The following ZNF846 variants were observed in gnomAD, a reference collection of about 807,000 sequenced individuals.
ZNF846 encodes zinc finger protein 846, also known as zinc finger protein 420 pseudogene.
In ZNF846, 15 loss-of-function variants were observed where a neutral mutation model predicts 16.0. The ratio of observed to expected loss-of-function variants is 0.94; its 90% confidence interval spans 0.63 to 1.45. The LOEUF (loss-of-function observed/expected upper bound fraction) is 1.45, where lower values mean the gene tolerates loss of function less well. Ranked by LOEUF, ZNF846 falls within the 40% of genes most tolerant of loss-of-function variation. The pLI, the probability that ZNF846 is intolerant of heterozygous loss-of-function variation, is 0.00. For missense variants in ZNF846, 714 were observed against 622.3 expected (o/e 1.15, Z -1.57); for synonymous variants, 229 against 212.0 (o/e 1.08, Z -0.70).
chr19:9,758,293 C>A (rs759580975), exon 6 of ZNF846: 3 of 1,613,342 alleles, frequency 1.9e-6, no homozygotes, highest in East Asian at 4.5e-5. Context: ...TGAGTGAAAG[C>A]TTTACCACAT....
chr19:9,759,964 A>T, intron 4 of ZNF846, 22 bp from the exon 5 acceptor site: 2 of 1,593,028 alleles, frequency 1.3e-6, no homozygotes, highest in Non-Finnish European at 1.7e-6. Flanking sequence ...TGAAAAATGC[A>T]GCTTGGGAGA....
At chr19:9,755,943 C>G (rs2045129998), downstream of ZNF846, among the ~76,000 whole-genome samples, 1 of 142,324 alleles carries the variant, frequency 7.0e-6, no homozygotes, top group Non-Finnish European at 1.5e-5. Context: ...TGGGTTCACA[C>G]AATTCTCCTG....
upstream of ZNF846, chr19:9,768,868 C>T (rs1443280783): frequency 6.6e-6 from 1 of 152,274 alleles, no homozygotes; most frequent in East Asian, 1.9e-4. Flanking sequence ...CTTCGACACG[C>T]GTACAGAAAA....
upstream of ZNF846, among the ~76,000 whole-genome samples, chr19:9,771,768 C>CTT (rs920913316): frequency 6.9e-6 from 1 of 145,128 alleles, no homozygotes. Flanking sequence ...TGCAAGTGTC[C>CTT]TTTTTTTTTT....
chr19:9,760,156 A>C (rs1360624633), intron 4 of ZNF846, among the ~76,000 whole-genome samples: 2 of 150,570 alleles, frequency 1.3e-5, no homozygotes, highest in Non-Finnish European at 3.0e-5. Context: ...AGCCAGGTGC[A>C]GTGGTGCATG....
At chr19:9,775,164 A>C (rs1416393614) in intron 1 of ZNF846, among the ~76,000 whole-genome samples, 1 of 150,416 alleles carries the variant, frequency 6.6e-6, no homozygotes, top group Non-Finnish European at 1.5e-5. Flanking sequence ...AGATGTTTTA[A>C]ATATATATAC....
rs1270776168 is a variant in ZNF846 at position 9,758,402 on chromosome 19, G to GT, written c.674dup (p.His225GlnfsTer5). ...CTTTCCCACATTCCTTACATACATA[G>GT]TGTTTGTCTCCATTGTGAGATCTTA... On this transcript the variant is annotated frameshift_variant, in exon 6 of 6. Coordinates refer to ENST00000397902, the Ensembl canonical transcript of ZNF846. LOFTEE classifies it low-confidence loss of function (END_TRUNC). 1.2e-6 allele frequency: 2 copies of GT among 1,613,152 alleles called. No individual in the cohort carries two copies. The highest frequency in any genetic ancestry group is 1.7e-6 in the Non-Finnish European group (2 of 1,179,822).
chr19:9,772,170 A>T (rs1473340491), upstream of ZNF846, among the ~76,000 whole-genome samples: 1 of 152,194 alleles, frequency 6.6e-6, no homozygotes, highest in Non-Finnish European at 1.5e-5. Flanking sequence ...TGTAAATGTG[A>T]GCTTAGATGT....
At chr19:9,768,172 T>C (rs2045347101) in intron 1 of ZNF846, 117 bp downstream of exon 1, 1 of 152,136 alleles carries the variant, frequency 6.6e-6, no homozygotes, top group South Asian at 2.1e-4. Flanking sequence ...TGCTTTTATT[T>C]CTATAAACCT....
downstream of ZNF846, among the ~76,000 whole-genome samples, chr19:9,754,654 G>A (rs556899719): frequency 6.7e-6 from 1 of 150,002 alleles, no homozygotes; most frequent in Non-Finnish European, 1.5e-5. Context: ...CATTAGATTG[G>A]AGAAGTTATC....
At chr19:9,761,666 A>G (rs1022845348) in intron 4 of ZNF846, among the ~76,000 whole-genome samples, 3 of 151,626 alleles carry the variant, frequency 2.0e-5, no homozygotes, top group Non-Finnish European at 4.4e-5. Flanking sequence ...AGCCAAGATC[A>G]TGTCACTGCA....
intron 1 of ZNF846, among the ~76,000 whole-genome samples, chr19:9,781,663 C>A (rs968193915): frequency 1.3e-4 from 20 of 151,850 alleles, no homozygotes; most frequent in African/African-American, 4.8e-4. Flanking sequence ...CAAAAAAAAA[C>A]TTTTTTCTTT....
intron 1 of ZNF846, among the ~76,000 whole-genome samples, chr19:9,778,906 G>C (rs111731997): frequency 0.026 from 3,903 of 150,262 alleles, 162 homozygotes; most frequent in African/African-American, 0.089. Context: ...AGCCTCCCCA[G>C]TAGCTGGGAC....
chr19:9,753,434 T>A (rs2045104767), downstream of ZNF846, among the ~76,000 whole-genome samples: 1 of 148,274 alleles, frequency 6.7e-6, no homozygotes, highest in Non-Finnish European at 1.5e-5. Context: ...TTTTTTTTTT[T>A]AAGTAGAGAC....
intron 1 of ZNF846, among the ~76,000 whole-genome samples, chr19:9,783,535 A>AT (rs1475476757): frequency 1.5e-4 from 20 of 132,824 alleles, no homozygotes; most frequent in Non-Finnish European, 2.8e-4. Context: ...CTAAAAAAAA[A>AT]AAAAAAAAAA....
chr19:9,753,228 A>AT (rs552636815), downstream of ZNF846, among the ~76,000 whole-genome samples: 19 of 110,288 alleles, frequency 1.7e-4, no homozygotes, highest in East Asian at 3.7e-3. Context: ...AAATTTATTT[A>AT]TTTATTTATT....
downstream of ZNF846, among the ~76,000 whole-genome samples, chr19:9,755,130 C>T (rs565247557): frequency 2.2e-4 from 33 of 151,610 alleles, 1 homozygote; most frequent in African/African-American, 7.8e-4. Context: ...TCCCAAAGTG[C>T]TGGAATTAGA....
downstream of ZNF846, among the ~76,000 whole-genome samples, chr19:9,757,014 T>G: frequency 6.7e-6 from 1 of 150,350 alleles, no homozygotes; most frequent in Non-Finnish European, 1.5e-5. Context: ...GCTAACATGG[T>G]GAAACCCTGT....
At chr19:9,750,491 A>T (rs1477215034), downstream of ZNF846, among the ~76,000 whole-genome samples, 1 of 151,908 alleles carries the variant, frequency 6.6e-6, no homozygotes, top group East Asian at 1.9e-4. Flanking sequence ...TTCACTTTAC[A>T]TTTCCAGTTA....
Sources: allele counts gnomAD v4.1 joint callset (sites outside exome capture counted in the v4.1 genomes callset), GRCh38; gene constraint gnomAD v4.1.1; transcripts MANE v1.5; gene names NCBI Gene and HGNC (gene_info 2026-07-23, HGNC 2026-07-21).